The following NLGN1 variants were observed in gnomAD, a reference collection of about 807,000 sequenced individuals.
NLGN1 encodes the protein neuroligin-1.
Under a neutral mutation model 65.5 loss-of-function variants are expected in NLGN1, and 12 were observed. The observed-to-expected ratio is 0.18, with a 90% CI of 0.12 to 0.30. The LOEUF is 0.30. Ranked by LOEUF, NLGN1 falls within the 10% of genes least tolerant of loss-of-function variation. The pLI is 1.00. For synonymous variants in NLGN1, 350 were observed against 359.5 expected (o/e 0.97, Z 0.30); for missense variants, 750 against 1,007.1 (o/e 0.74, Z 3.46).
At chr3:173,974,541 T>C (rs1716992296) in intron 4 of NLGN1, among the ~76,000 whole-genome samples, 1 of 152,028 alleles carries the variant, frequency 6.6e-6, no homozygotes, top group African/African-American at 2.4e-5. Context: ...AACTAAAATA[T>C]GTTTTTTAAA....
At chr3:173,925,186 A>G (rs1457214783) in intron 4 of NLGN1, among the ~76,000 whole-genome samples, 1 of 152,162 alleles carries the variant, frequency 6.6e-6, no homozygotes, top group African/African-American at 2.4e-5. Context: ...ACATTTGTAG[A>G]TGTTAGTAAT....
rs117902637 is a variant in NLGN1 at position 173,878,327 on chromosome 3, A to T, written c.646+70495A>T. Among the ~76,000 whole-genome samples the T allele has an allele frequency of 7.6e-4, 115 of 152,282 alleles. 3 individuals carry two copies. In the East Asian group the frequency reaches 0.021, roughly 27 times the overall value. On this transcript the variant is annotated intron_variant, in intron 4 of 6. Coordinates refer to ENST00000457714, the Ensembl canonical transcript of NLGN1. ...AGTGCAGGGATTACAGGCGTGAGCCACTGCGCCAAGCCAAAATGCATAACA... is the reference window on the plus strand; with the variant it reads ...AGTGCAGGGATTACAGGCGTGAGCCTCTGCGCCAAGCCAAAATGCATAACA...
At chr3:174,198,871 C>T (rs1274377741) in intron 4 of NLGN1, among the ~76,000 whole-genome samples, 7 of 79,888 alleles carry the variant, frequency 8.8e-5, no homozygotes, top group African/African-American at 2.9e-4. Context: ...TTTTTTGAGA[C>T]GGAGTCTCGC....
intron 4 of NLGN1, among the ~76,000 whole-genome samples, chr3:174,252,753 A>G (rs1330264761): frequency 6.6e-6 from 1 of 152,206 alleles, no homozygotes. Flanking sequence ...ATTTGATAAG[A>G]CAGCAGATTC....
chr3:173,405,417 A>C (rs1180166118), intron 1 of NLGN1, among the ~76,000 whole-genome samples: 2 of 151,966 alleles, frequency 1.3e-5, no homozygotes, highest in African/African-American at 4.8e-5. Flanking sequence ...CTATGCCTCC[A>C]CTACTGCTTG....
At chr3:173,895,098 A>G (rs1251807348) in intron 4 of NLGN1, among the ~76,000 whole-genome samples, 1 of 152,084 alleles carries the variant, frequency 6.6e-6, no homozygotes, top group African/African-American at 2.4e-5. Flanking sequence ...TGTTGATCTA[A>G]TAATTCAGTT....
chr3:173,607,482 A>G (rs2149456774), intron 3 of NLGN1, among the ~76,000 whole-genome samples: 1 of 151,846 alleles, frequency 6.6e-6, no homozygotes, highest in East Asian at 1.9e-4. Flanking sequence ...TCTAAATAAC[A>G]AAAATTTTTG....
intron 4 of NLGN1, among the ~76,000 whole-genome samples, chr3:174,021,983 G>A (rs970112486): frequency 1.3e-5 from 2 of 152,120 alleles, no homozygotes; most frequent in African/African-American, 4.8e-5. Flanking sequence ...TAAAGGGGCA[G>A]AAATCTGAGA....
intron 1 of NLGN1, among the ~76,000 whole-genome samples, chr3:173,431,789 A>G (rs1297644066): frequency 6.6e-6 from 1 of 152,202 alleles, no homozygotes; most frequent in African/African-American, 2.4e-5. Flanking sequence ...AGTGGATTCC[A>G]TAAATGTATC....
intron 4 of NLGN1, among the ~76,000 whole-genome samples, chr3:173,899,366 A>G (rs1328845013): frequency 2.0e-5 from 3 of 152,110 alleles, no homozygotes; most frequent in African/African-American, 7.2e-5. Context: ...TGTTTTTAAG[A>G]AAAATTTGGA....
chr3:174,198,844 C>CTT (rs56752477), intron 4 of NLGN1, among the ~76,000 whole-genome samples: 14,161 of 99,562 alleles, frequency 0.14, 1,938 homozygotes, highest in East Asian at 0.45. Context: ...TGACTAGATT[C>CTT]TTTTTTTTTT....
At chr3:174,114,912 C>G (rs2152628171) in intron 4 of NLGN1, among the ~76,000 whole-genome samples, 1 of 152,150 alleles carries the variant, frequency 6.6e-6, no homozygotes, top group East Asian at 1.9e-4. Flanking sequence ...TAGCAGGTAT[C>G]TATTAAAGGC....
chr3:174,221,835 C>T (rs953129526), intron 4 of NLGN1, among the ~76,000 whole-genome samples: 3 of 152,026 alleles, frequency 2.0e-5, no homozygotes, highest in Non-Finnish European at 2.9e-5. Flanking sequence ...TATGTAGCTG[C>T]GTCATTCCAA....
intron 4 of NLGN1, among the ~76,000 whole-genome samples, chr3:174,071,213 A>G (rs1739775608): frequency 6.6e-6 from 1 of 152,198 alleles, no homozygotes; most frequent in Non-Finnish European, 1.5e-5. Flanking sequence ...TTTAGCATTT[A>G]TTCAGAATTT....
intron 4 of NLGN1, among the ~76,000 whole-genome samples, chr3:173,881,896 G>A (rs542710206): frequency 6.6e-6 from 1 of 152,062 alleles, no homozygotes; most frequent in African/African-American, 2.4e-5. Flanking sequence ...CTTTCTAGAA[G>A]GTTTTTAATT....
At chr3:173,563,905 A>G (rs2149306729) in intron 2 of NLGN1, among the ~76,000 whole-genome samples, 1 of 152,340 alleles carries the variant, frequency 6.6e-6, no homozygotes, top group South Asian at 2.1e-4. Flanking sequence ...AATTTTTACA[A>G]AATAAAATGT....
At chr3:173,857,586 C>CAA (rs147737340) in intron 4 of NLGN1, among the ~76,000 whole-genome samples, 2 of 150,792 alleles carry the variant, frequency 1.3e-5, no homozygotes, top group Non-Finnish European at 3.0e-5. Flanking sequence ...CCCACTAATA[C>CAA]AAAAAAAAAT....
At chr3:173,963,735 A>T (rs1226144249) in intron 4 of NLGN1, among the ~76,000 whole-genome samples, 4 of 152,214 alleles carry the variant, frequency 2.6e-5, no homozygotes, top group Non-Finnish European at 5.9e-5. Flanking sequence ...AAAATGTTGA[A>T]TTATGTTGTC....
At chr3:174,274,028 A>G (rs1461159558) in intron 4 of NLGN1, among the ~76,000 whole-genome samples, 1 of 151,722 alleles carries the variant, frequency 6.6e-6, no homozygotes, top group Non-Finnish European at 1.5e-5. Flanking sequence ...AATAGTTGTT[A>G]TCACAATCAT....
Sources: allele counts gnomAD v4.1 joint callset (sites outside exome capture counted in the v4.1 genomes callset), GRCh38; gene constraint gnomAD v4.1.1; transcripts MANE v1.5; gene names NCBI Gene and HGNC (gene_info 2026-07-23, HGNC 2026-07-21).